Variants in SFMBT2 observed in about 807,000 individuals in gnomAD.
SFMBT2 encodes the protein Scm like with four mbt domains 2.
Under a neutral mutation model 110.1 loss-of-function variants are expected in SFMBT2, and 38 were observed. That is an observed-to-expected ratio of 0.35 (90% CI 0.27 to 0.45). SFMBT2 has a LOEUF of 0.45. Among genes scored for constraint, SFMBT2 ranks in the 20% least tolerant of loss-of-function variants. The probability of loss-of-function intolerance (pLI) is 1.00; values close to 1 mark genes in which losing one functional copy is unlikely to be tolerated. For synonymous variants in SFMBT2, 425 were observed against 425.4 expected (o/e 1.00, Z 0.01); for missense variants, 1,011 against 1,094.9 (o/e 0.92, Z 1.08).
chr10:7,181,544 A>G (rs554298606), intron 16 of SFMBT2, among the ~76,000 whole-genome samples: 1 of 152,210 alleles, frequency 6.6e-6, no homozygotes, highest in Non-Finnish European at 1.5e-5. Flanking sequence ...TTTCAAAAGC[A>G]CTTAGAAATA....
intron 4 of SFMBT2, among the ~76,000 whole-genome samples, chr10:7,340,768 G>A (rs1228894087): frequency 6.7e-6 from 1 of 149,920 alleles, no homozygotes; most frequent in Non-Finnish European, 1.5e-5. Context: ...GAGCAGATGG[G>A]AGCACACTGC....
chr10:7,245,012 G>A (rs1840563012), intron 8 of SFMBT2, among the ~76,000 whole-genome samples: 2 of 151,972 alleles, frequency 1.3e-5, no homozygotes, highest in Non-Finnish European at 2.9e-5. Context: ...TGGGCACCTG[G>A]ACTCCACTGG....
intron 4 of SFMBT2, among the ~76,000 whole-genome samples, chr10:7,363,498 G>A (rs781337912): frequency 7.2e-5 from 11 of 151,954 alleles, no homozygotes; most frequent in South Asian, 6.2e-4. Context: ...ACAGGCATGC[G>A]CCACCACGCC....
At chr10:7,284,771 T>A (rs1259551709) in intron 5 of SFMBT2, 1 of 190,236 alleles carries the variant, frequency 5.3e-6, no homozygotes, top group Non-Finnish European at 9.8e-6. Context: ...TTACAGAATG[T>A]ATAATTACTG....
chr10:7,272,441 C>T (rs910332279), intron 7 of SFMBT2, among the ~76,000 whole-genome samples: 10 of 152,192 alleles, frequency 6.6e-5, no homozygotes, highest in South Asian at 2.1e-4. Context: ...GGCTCTGAAA[C>T]GAGTCCCACC....
intron 3 of SFMBT2, among the ~76,000 whole-genome samples, chr10:7,369,687 AC>A (rs1386158655): frequency 2.6e-5 from 4 of 152,294 alleles, no homozygotes; most frequent in Admixed American, 6.5e-5. Context: ...GAAGCTGAAA[AC>A]ATACAGCCAT....
intron 1 of SFMBT2, among the ~76,000 whole-genome samples, chr10:7,387,954 A>G (rs1164691177): frequency 6.6e-6 from 1 of 151,728 alleles, no homozygotes; most frequent in African/African-American, 2.4e-5. Flanking sequence ...TTCAAAAAAA[A>G]AAAAAAAAGG....
chr10:7,287,824 G>A (rs1022429292), intron 4 of SFMBT2, among the ~76,000 whole-genome samples: 6 of 152,146 alleles, frequency 3.9e-5, no homozygotes, highest in Non-Finnish European at 8.8e-5. Context: ...GGGCCCCAAC[G>A]GGGGATCCAC....
intron 6 of SFMBT2, among the ~76,000 whole-genome samples, chr10:7,280,490 C>T (rs1841919987): frequency 1.3e-5 from 2 of 152,200 alleles, no homozygotes; most frequent in African/African-American, 2.4e-5. Flanking sequence ...ATCTCCTTAG[C>T]ATCTGCAAGA....
chr10:7,204,974 T>G, intron 12 of SFMBT2: 1 of 976,864 alleles, frequency 1.0e-6, no homozygotes, highest in South Asian at 4.7e-5. Flanking sequence ...ACTGTTAATA[T>G]TGGTTATTTG....
intron 6 of SFMBT2, among the ~76,000 whole-genome samples, chr10:7,281,975 G>T (rs1364414071): frequency 6.6e-6 from 1 of 152,100 alleles, no homozygotes; most frequent in Non-Finnish European, 1.5e-5. Context: ...CCCCTAAGTA[G>T]CTGGGACTAC....
chr10:7,207,022 TC>T (rs1839157930), intron 11 of SFMBT2: 1 of 569,470 alleles, frequency 1.8e-6, no homozygotes, highest in African/African-American at 2.0e-5. Flanking sequence ...GCCTAGGAGT[TC>T]AAGATCAGCC....
At chr10:7,245,404 G>A (rs943470673) in intron 8 of SFMBT2, among the ~76,000 whole-genome samples, 5 of 152,160 alleles carry the variant, frequency 3.3e-5, no homozygotes, top group African/African-American at 1.2e-4. Context: ...GTGGAGCTGC[G>A]GTACCCTGTA....
In SFMBT2 at chr10:7,170,820, C is replaced by G. The variant is rs140457619; in HGVS notation, c.2544+108G>C. ...GTCTCGCACACCTGCCGAGCAGCGCCGAAGAACCCCCTCGCAGGTGTCACG... is the reference window on the plus strand; with the variant it reads ...GTCTCGCACACCTGCCGAGCAGCGCGGAAGAACCCCCTCGCAGGTGTCACG... On this transcript the variant is annotated intron_variant, in intron 20 of 20. Transcript: ENST00000397167. This position sits in a 1 kb window ranked among gnomAD's most constrained non-coding sequence, Gnocchi z 4.6. The G allele has an allele frequency of 1.2e-5, 16 of 1,372,002 alleles. No homozygotes were observed. The highest frequency in any genetic ancestry group is 1.8e-4 in the Middle Eastern group (1 of 5,524). 85.0% of individuals were successfully genotyped at this position (1,372,002 alleles called of 1,614,324 possible).
At chr10:7,339,330 T>A (rs1250182224) in intron 4 of SFMBT2, among the ~76,000 whole-genome samples, 1 of 152,172 alleles carries the variant, frequency 6.6e-6, no homozygotes, top group Non-Finnish European at 1.5e-5. Flanking sequence ...GGCTTTTTGC[T>A]TCACACTTAC....
chr10:7,182,195 G>A (rs900433141), intron 16 of SFMBT2, among the ~76,000 whole-genome samples: 2 of 152,060 alleles, frequency 1.3e-5, no homozygotes, highest in Non-Finnish European at 2.9e-5. Flanking sequence ...CCACTACCAT[G>A]CCCGGCTAAT....
chr10:7,333,759 C>A (rs974680414), intron 4 of SFMBT2, among the ~76,000 whole-genome samples: 16 of 150,008 alleles, frequency 1.1e-4, no homozygotes, highest in African/African-American at 2.9e-4. Flanking sequence ...CAAGGCCTCC[C>A]CACCCCAGCT....
intron 9 of SFMBT2, among the ~76,000 whole-genome samples, chr10:7,229,838 A>G (rs1289422719): frequency 6.6e-6 from 1 of 150,710 alleles, no homozygotes; most frequent in Non-Finnish European, 1.5e-5. Context: ...CTCCTGCCTC[A>G]GCCTCCTGAG....
chr10:7,162,817 T>G lies in SFMBT2; in HGVS notation c.*953A>C, dbSNP rs991044262. On this transcript the variant is annotated 3_prime_UTR_variant, in exon 21 of 21. Coordinates refer to ENST00000397167, the MANE Select transcript of SFMBT2 (RefSeq NM_001387889.1). Reference sequence around the variant, plus strand: ...TAGGCTTCAATCAAAAACCATCCAGTTGGGCCGGGGCGTAGTGGCTCACAC... The same window carrying G: ...TAGGCTTCAATCAAAAACCATCCAGGTGGGCCGGGGCGTAGTGGCTCACAC... The G allele has an allele frequency of 6.6e-6, 1 of 152,244 alleles. No individual in the cohort carries two copies. Among genetic ancestry groups the G allele is most frequent in the Admixed American group, 6.5e-5 (1 of 15,270 alleles). The allele number at this position is 152,244 out of a possible 1,614,324, so 9.4% of individuals were successfully genotyped here.
Sources: allele counts gnomAD v4.1 joint callset (sites outside exome capture counted in the v4.1 genomes callset), GRCh38; gene constraint gnomAD v4.1.1; non-coding constraint Gnocchi (gnomAD v3.1); transcripts MANE v1.5; gene names NCBI Gene and HGNC (gene_info 2026-07-23, HGNC 2026-07-21).